ZNF544: variants seen among roughly 807,000 people sequenced by gnomAD.
ZNF544 encodes the protein zinc finger protein AF020591.
Under a neutral mutation model 13.5 loss-of-function variants are expected in ZNF544, and 10 were observed. The observed-to-expected ratio is 0.74, with a 90% CI of 0.46 to 1.25. The LOEUF (loss-of-function observed/expected upper bound fraction) is 1.25. Among genes scored for constraint, ZNF544 ranks in the 50% most tolerant of loss-of-function variants. The pLI is 0.00. For synonymous variants in ZNF544, 323 were observed against 300.5 expected (o/e 1.07, Z -0.77); for missense variants, 896 against 845.6 (o/e 1.06, Z -0.74).
intron 3 of ZNF544, among the ~76,000 whole-genome samples, chr19:58,231,998 G>A (rs978632928): frequency 2.7e-5 from 4 of 150,896 alleles, no homozygotes; most frequent in Admixed American, 1.3e-4. Flanking sequence ...GTGCCGCCAC[G>A]CCCAGCTAAT....
intron 3 of ZNF544, among the ~76,000 whole-genome samples, chr19:58,237,197 G>A (rs1035216071): frequency 1.8e-4 from 28 of 152,100 alleles, no homozygotes; most frequent in African/African-American, 6.5e-4. Flanking sequence ...CCAGGTAGCT[G>A]GGACTACAGG....
chr19:58,241,944 T>TCTCTCTC (rs199950417), intron 3 of ZNF544, among the ~76,000 whole-genome samples: 2 of 151,872 alleles, frequency 1.3e-5, no homozygotes, highest in Non-Finnish European at 1.5e-5. Flanking sequence ...TCTCTCTCTC[T>TCTCTCTC]TTGTGCTTGT....
At chr19:58,236,157 C>T (rs988116214) in intron 3 of ZNF544, among the ~76,000 whole-genome samples, 2 of 151,990 alleles carry the variant, frequency 1.3e-5, no homozygotes, top group African/African-American at 2.4e-5. Context: ...ATTGCTTGAG[C>T]CCAAGAGTTT....
At position 58,273,014 on chromosome 19, in the gene ZNF544, C is replaced by G. The variant is rs180793773; in HGVS notation, c.245-3309C>G. 2.5e-3 allele frequency among the ~76,000 whole-genome samples: 378 copies of G among 151,666 alleles called. 3 individuals carry two copies. The highest frequency in any genetic ancestry group is 0.021 in the Middle Eastern group (6 of 290). On this transcript the variant is annotated intron_variant, in intron 5 of 6. Coordinates refer to the ZNF544 transcript ENST00000595981. ...CTGGCTAACATGGTGAAACCCATCT[C>G]TACTAAAATTACAAAAATTAGCCGG...
chr19:58,252,798 A>G (rs926735977), intron 6 of ZNF544, among the ~76,000 whole-genome samples: 1 of 152,194 alleles, frequency 6.6e-6, no homozygotes, highest in African/African-American at 2.4e-5. Flanking sequence ...TCCCCGTATC[A>G]TAATCCTTCC....
At chr19:58,272,509 T>C (rs917446642) in intron 5 of ZNF544, among the ~76,000 whole-genome samples, 1 of 151,450 alleles carries the variant, frequency 6.6e-6, no homozygotes, top group African/African-American at 2.4e-5. Flanking sequence ...TGAGCTGAGA[T>C]TGCACCACTG....
intron 6 of ZNF544, among the ~76,000 whole-genome samples, chr19:58,252,202 C>A (rs1227468793): frequency 6.6e-6 from 1 of 152,208 alleles, no homozygotes; most frequent in African/African-American, 2.4e-5. Context: ...TTTTCATAAA[C>A]CTTCTACAGC....
At chr19:58,274,315 G>A (rs2051052436) in intron 5 of ZNF544, among the ~76,000 whole-genome samples, 1 of 152,086 alleles carries the variant, frequency 6.6e-6, no homozygotes, top group African/African-American at 2.4e-5. Context: ...CTGAAATGAG[G>A]TCATTAGAGT....
At chr19:58,242,257 C>G (rs2146923900) in intron 3 of ZNF544, 1 of 985,356 alleles carries the variant, frequency 1.0e-6, no homozygotes, top group Admixed American at 6.1e-5. Flanking sequence ...ACCGCAACAT[C>G]TGCAGGAGAT....
chr19:58,276,304 G>C, intron 5 of ZNF544: 2 of 1,211,202 alleles, frequency 1.7e-6, no homozygotes, highest in Non-Finnish European at 1.0e-6. Context: ...GATCCTCCTA[G>C]TACCTTCTCT....
At chr19:58,277,337 C>G in exon 7 of ZNF544, 1 of 1,053,804 alleles carries the variant, frequency 9.5e-7, no homozygotes. Flanking sequence ...CCACTGGTAA[C>G]GTCTTCACCC....
rs2049406404 is a variant in ZNF544 at position 58,263,452 on chromosome 19, ACTC to A, written c.*699_*701del. On this transcript the variant is annotated 3_prime_UTR_variant, in exon 7 of 7. Coordinates refer to ENST00000687789, the MANE Select transcript of ZNF544 (RefSeq NM_014480.4). ...CCGCTGCCTTGTGAGAGATTGAGACACTCTAAATAAATAATAACCAAGATGGGA... is the reference window on the plus strand; with the variant it reads ...CCGCTGCCTTGTGAGAGATTGAGACATAAATAAATAATAACCAAGATGGGA... 1 of 985,114 alleles carries A rather than the reference ACTC, an allele frequency of 1.0e-6. No homozygotes were observed. Among genetic ancestry groups the A allele is most frequent in the Non-Finnish European group, 1.2e-6 (1 of 829,902 alleles). The allele number at this position is 985,114 out of a possible 1,614,324, so 61.0% of individuals were successfully genotyped here. A position where few individuals can be genotyped will look rare whatever the true frequency, so the allele number is the denominator to read the frequency against.
At chr19:58,276,996 G>A (rs896284876) in intron 6 of ZNF544, among the ~76,000 whole-genome samples, 10 of 152,194 alleles carry the variant, frequency 6.6e-5, no homozygotes, top group African/African-American at 2.4e-4. Flanking sequence ...TGCTGCTCAG[G>A]TAGACTGGAA....
intron 5 of ZNF544, among the ~76,000 whole-genome samples, chr19:58,273,666 G>A (rs1407912283): frequency 6.7e-6 from 1 of 149,896 alleles, no homozygotes; most frequent in Non-Finnish European, 1.5e-5. Flanking sequence ...CTCCAGCCTG[G>A]GCGACAGAGT....
intron 6 of ZNF544, among the ~76,000 whole-genome samples, chr19:58,254,316 G>C (rs1600332955): frequency 6.6e-6 from 1 of 152,144 alleles, no homozygotes; most frequent in Non-Finnish European, 1.5e-5. Flanking sequence ...TCCAAACAAT[G>C]TTGGGGCCAA....
In ZNF544 at chr19:58,262,107, T is replaced by G. The variant is rs771277761; in HGVS notation, c.1501T>G (p.Phe501Val). 5.0e-6 allele frequency: 8 copies of G among 1,610,488 alleles called. No homozygotes were observed. The highest frequency in any genetic ancestry group is 5.9e-6 in the Non-Finnish European group (7 of 1,179,352). The change falls in exon 7 of 7, where the codon TTC (phenylalanine) becomes GTC (valine). Residue 501 changes from phenylalanine (F) to valine (V), a missense_variant. By Grantham distance (50) the Phe-to-Val change is conservative. Coordinates refer to ENST00000687789, the MANE Select transcript of ZNF544 (RefSeq NM_014480.4). ...CAAATGTACTCAGTGTGGGAAATCT[T>G]TCAGCCAGAAGTATGACCTTGTTGT... is the stretch of plus-strand genomic sequence containing the variant. Reference protein sequence around the residue: ...PFKCTQCGKSFSQKYDLVVHQ... With the variant: ...PFKCTQCGKSVSQKYDLVVHQ...
At chr19:58,259,390 C>T (rs571763301) in intron 6 of ZNF544, 4 of 152,194 alleles carry the variant, frequency 2.6e-5, no homozygotes, top group Non-Finnish European at 4.4e-5. Flanking sequence ...GGACTAAGCA[C>T]CAGTTAGGAG....
chr19:58,272,809 G>T (rs1357140859), intron 5 of ZNF544, among the ~76,000 whole-genome samples: 2 of 151,504 alleles, frequency 1.3e-5, no homozygotes, highest in Non-Finnish European at 2.9e-5. Context: ...GGAGGCGGAG[G>T]TTGCAGTGAG....
intron 4 of ZNF544, among the ~76,000 whole-genome samples, chr19:58,244,409 T>A (rs1383141415): frequency 6.6e-6 from 1 of 151,886 alleles, no homozygotes; most frequent in African/African-American, 2.4e-5. Context: ...CGGACACCCC[T>A]GGCTGGGGGA....
Sources: allele counts gnomAD v4.1 joint callset (sites outside exome capture counted in the v4.1 genomes callset), GRCh38; gene constraint gnomAD v4.1.1; transcripts MANE v1.5; gene names NCBI Gene and HGNC (gene_info 2026-07-23, HGNC 2026-07-21).